The following SLC24A3 variants were observed in gnomAD, a reference collection of about 807,000 sequenced individuals.
SLC24A3 encodes solute carrier family 24 member 3, also known as sodium/potassium/calcium exchanger 3.
In SLC24A3, 28 loss-of-function variants were observed where a neutral mutation model predicts 75.8. The ratio of observed to expected loss-of-function variants is 0.37; its 90% CI spans 0.27 to 0.51. SLC24A3 has a LOEUF of 0.51. Ranked by LOEUF, SLC24A3 falls within the 20% of genes least tolerant of loss-of-function variation. The pLI, the probability that SLC24A3 is intolerant of heterozygous loss-of-function variation, is 0.94. For missense variants in SLC24A3, 663 were observed against 847.8 expected, an observed-to-expected ratio of 0.78 and a Z score of 2.71; for synonymous variants, 372 against 334.1, an observed-to-expected ratio of 1.11 and a Z score of -1.24.
chr20:19,619,368 G>A (rs904099980), intron 6 of SLC24A3, among the ~76,000 whole-genome samples: 6 of 152,166 alleles, frequency 3.9e-5, no homozygotes, highest in African/African-American at 7.2e-5. Flanking sequence ...AGCCTCAGAT[G>A]TTCTCTCCCC....
intron 2 of SLC24A3, among the ~76,000 whole-genome samples, chr20:19,305,675 C>A (rs184528530): frequency 6.6e-6 from 1 of 152,070 alleles, no homozygotes. Context: ...ACGCGATAAA[C>A]GGTGCTGGGA....
At chr20:19,704,600 T>A (rs6046263) in intron 15 of SLC24A3, among the ~76,000 whole-genome samples, 108,678 of 151,986 alleles carry the variant, frequency 0.72, 39,342 homozygotes, top group East Asian at 0.95. Flanking sequence ...AGATGATGAG[T>A]TGAAGTGATG....
chr20:19,718,430 C>T (rs1600356466), intron 16 of SLC24A3, among the ~76,000 whole-genome samples: 1 of 152,210 alleles, frequency 6.6e-6, no homozygotes, highest in East Asian at 1.9e-4. Flanking sequence ...TAGCCACACG[C>T]CGTACTTAAT....
intron 2 of SLC24A3, among the ~76,000 whole-genome samples, chr20:19,419,457 G>T (rs369141767): frequency 3.9e-5 from 6 of 152,102 alleles, no homozygotes; most frequent in Admixed American, 1.3e-4. Flanking sequence ...CGGGGATCTG[G>T]TATAAAGGTT....
chr20:19,588,144 G>T (rs1353967757), intron 6 of SLC24A3, among the ~76,000 whole-genome samples: 4 of 152,284 alleles, frequency 2.6e-5, no homozygotes. Flanking sequence ...CTACCAGTGG[G>T]AGGTGAAAAA....
intron 12 of SLC24A3, among the ~76,000 whole-genome samples, chr20:19,691,955 A>G (rs1199113772): frequency 6.6e-6 from 1 of 152,016 alleles, no homozygotes; most frequent in Non-Finnish European, 1.5e-5. Flanking sequence ...CTAATGAGAA[A>G]CCCCTCTGCC....
intron 2 of SLC24A3, among the ~76,000 whole-genome samples, chr20:19,426,168 T>C (rs555290273): frequency 1.3e-5 from 2 of 152,340 alleles, no homozygotes; most frequent in Admixed American, 1.3e-4. Flanking sequence ...TCTTCCTCAC[T>C]TCCTCCCATT....
intron 11 of SLC24A3, among the ~76,000 whole-genome samples, chr20:19,684,612 G>C (rs1231955853): frequency 6.6e-6 from 1 of 151,992 alleles, no homozygotes; most frequent in Non-Finnish European, 1.5e-5. Context: ...TCTTCCATTT[G>C]AATAAAGCCC....
chr20:19,425,673 T>G (rs999049502), intron 2 of SLC24A3, among the ~76,000 whole-genome samples: 4 of 152,200 alleles, frequency 2.6e-5, no homozygotes, highest in Admixed American at 2.6e-4. Flanking sequence ...AAGGGAGATT[T>G]TACAGTTCTA....
chr20:19,690,838 C>T (rs1009425870), intron 12 of SLC24A3, among the ~76,000 whole-genome samples: 1 of 152,200 alleles, frequency 6.6e-6, no homozygotes, highest in African/African-American at 2.4e-5. Context: ...AGACTCATAG[C>T]AGCTAATAGG....
chr20:19,587,307 A>G (rs1179642529), intron 6 of SLC24A3, among the ~76,000 whole-genome samples: 1 of 152,214 alleles, frequency 6.6e-6, no homozygotes, highest in Admixed American at 6.5e-5. Context: ...GCTTGGATGC[A>G]TGTGTGGCTC....
rs1984529571 is a variant in SLC24A3 at position 19,314,302 on chromosome 20, T to TTTTATTTTATTTTA, written c.271+33219_271+33232dup. On this transcript the variant is annotated intron_variant, in intron 2 of 16. Coordinates refer to ENST00000328041, the MANE Select transcript of SLC24A3 (RefSeq NM_020689.4). ...ATTTATTTTATTTTATTTTATTTTATTTTATTTTATTTTATTTTATTTTAT... is the reference window on the plus strand; with the variant it reads ...ATTTATTTTATTTTATTTTATTTTATTTTATTTTATTTTATTTATTTTATTTTATTTTATTTTAT... Among the ~76,000 whole-genome samples the TTTTATTTTATTTTA allele has an allele frequency of 9.4e-5, 14 of 148,892 alleles. 1 individual carries two copies. In the South Asian group the frequency reaches 2.8e-3, roughly 30 times the overall value.
At chr20:19,545,345 C>T (rs150189481) in intron 3 of SLC24A3, among the ~76,000 whole-genome samples, 1 of 152,326 alleles carries the variant, frequency 6.6e-6, no homozygotes, top group African/African-American at 2.4e-5. Context: ...CAATGCTCAG[C>T]TTCTGCAAGA....
At chr20:19,337,287 A>C (rs1985157511) in intron 2 of SLC24A3, among the ~76,000 whole-genome samples, 1 of 152,108 alleles carries the variant, frequency 6.6e-6, no homozygotes, top group Non-Finnish European at 1.5e-5. Flanking sequence ...TTTACTAAAA[A>C]TACAAAATTA....
At chr20:19,456,670 A>C (rs1056944060) in intron 2 of SLC24A3, among the ~76,000 whole-genome samples, 1 of 152,230 alleles carries the variant, frequency 6.6e-6, no homozygotes, top group Admixed American at 6.5e-5. Flanking sequence ...CCAGGCTGTC[A>C]CTTCACTGCC....
chr20:19,512,324 C>T (rs569350002), intron 2 of SLC24A3, among the ~76,000 whole-genome samples: 20 of 152,290 alleles, frequency 1.3e-4, no homozygotes, highest in African/African-American at 4.8e-4. Context: ...TTGGCTCACC[C>T]CTGCCCGGCC....
Position 19,721,109 on chromosome 20 carries a change from T to C in SLC24A3, c.1904T>C (p.Phe635Ser). 6.2e-7 allele frequency: 1 copy of C among 1,614,134 alleles called. No homozygotes were observed. Residue 635 changes from phenylalanine (F) to serine (S), a missense_variant, in exon 17 of 17, where the codon TTT becomes TCT. Physicochemically the swap from Phe to Ser is radical, Grantham distance 155. This residue lies in a region of SLC24A3 where 510 missense variants were observed against 703.6 expected (regional missense o/e 0.72). Coordinates refer to ENST00000328041, the MANE Select transcript of SLC24A3 (RefSeq NM_020689.4). ...ATGACTGAGTTCAACGTGTTCACCT[T>C]TGTGAACCTGCCCATGTGCGGGGAC... ...SIMTEFNVFT[F>S]VNLPMCGDH
At chr20:19,572,492 C>T (rs1052189263) in intron 3 of SLC24A3, among the ~76,000 whole-genome samples, 1 of 152,184 alleles carries the variant, frequency 6.6e-6, no homozygotes, top group Non-Finnish European at 1.5e-5. Context: ...TGCCAACTCT[C>T]AACATTTGAG....
At chr20:19,557,657 T>A (rs1488357650) in intron 3 of SLC24A3, among the ~76,000 whole-genome samples, 2 of 152,198 alleles carry the variant, frequency 1.3e-5, no homozygotes, top group East Asian at 3.8e-4. Flanking sequence ...GCAGCACAGT[T>A]CTGTCTGTGC....
Sources: allele counts gnomAD v4.1 joint callset (sites outside exome capture counted in the v4.1 genomes callset), GRCh38; gene constraint gnomAD v4.1.1; regional missense constraint gnomAD v4.1.1; transcripts MANE v1.5; gene names NCBI Gene and HGNC (gene_info 2026-07-23, HGNC 2026-07-21).